The following WDR13 variants were observed in gnomAD, a reference collection of about 807,000 sequenced individuals.
WDR13 encodes WD repeat-containing protein 13.
Under a neutral mutation model 28.6 loss-of-function variants are expected in WDR13, and 1 was observed. The ratio of observed to expected loss-of-function variants is 0.03; its 90% confidence interval spans 0.01 to 0.17. The LOEUF (loss-of-function observed/expected upper bound fraction) is 0.17. WDR13 is among the 10% of genes least tolerant of loss of function. The pLI, the probability that WDR13 is intolerant of heterozygous loss-of-function variation, is 1.00. For missense variants in WDR13, 264 were observed against 469.3 expected (o/e 0.56, Z 4.04); for synonymous variants, 201 against 185.9 (o/e 1.08, Z -0.66).
At chrX:48,604,172 C>G (rs2062206316) in intron 8 of WDR13, 100 bp from the exon 9 acceptor site, 4 of 714,456 alleles carry the variant, frequency 5.6e-6, no homozygotes, top group Admixed American at 3.1e-5. Flanking sequence ...TTTCATGAAC[C>G]CTGTAAAGAA....
intron 9 of WDR13, 124 bp downstream of exon 9, chrX:48,604,514 G>A: frequency 1.8e-6 from 1 of 550,630 alleles, no homozygotes; most frequent in East Asian, 3.6e-5. Flanking sequence ...GACCCCTCCT[G>A]CCCCAACAGC....
At chrX:48,602,728 T>G (rs1299378697) in intron 8 of WDR13, among the ~76,000 whole-genome samples, 2 of 110,477 alleles carry the variant, frequency 1.8e-5, no homozygotes, top group African/African-American at 3.3e-5. Flanking sequence ...ATTGGTAGAT[T>G]GAGAAATTCC....
intron 2 of WDR13, chrX:48,598,353 A>T: frequency 2.0e-6 from 2 of 1,009,734 alleles, no homozygotes; most frequent in Non-Finnish European, 2.5e-6. Context: ...TTACATCATC[A>T]CTTCCCCATT....
chrX:48,602,252 T>A, intron 8 of WDR13, 46 bp downstream of exon 8: 1 of 1,158,381 alleles, frequency 8.6e-7, no homozygotes, highest in Non-Finnish European at 1.2e-6. Flanking sequence ...ACCTGCCTCC[T>A]CCAGCACACT....
chrX:48,605,311 G>T lies in WDR13; in HGVS notation c.*279G>T. On this transcript the variant is annotated 3_prime_UTR_variant, in exon 10 of 10. Transcript: ENST00000376729. ...AACTGTTTTACACACTTATGCATTC[G>T]ATAGACATTAGTGAGCCCTGACCGT... The T allele has an allele frequency of 2.8e-6, 1 of 351,242 alleles. No homozygotes were observed. The highest frequency in any genetic ancestry group is 5.1e-6 in the Non-Finnish European group (1 of 197,607). The allele number at this position is 351,242 out of a possible 1,213,427, so 28.9% of individuals were successfully genotyped here. A position where few individuals can be genotyped will look rare whatever the true frequency, so the allele number is the denominator to read the frequency against.
intron 6 of WDR13, among the ~76,000 whole-genome samples, chrX:48,601,200 GCTACAGTC>G (rs1241083389): frequency 8.9e-6 from 1 of 112,857 alleles, no homozygotes; most frequent in Non-Finnish European, 1.9e-5. Context: ...GGTCCCATCA[GCTACAGTC>G]CTACAGTTTT....
chrX:48,599,379 G>T lies in WDR13; in HGVS notation c.309G>T (p.Leu103=). Residue 103 remains leucine, a synonymous_variant, in exon 4 of 10, where the codon CTG becomes CTT. Transcript: ENST00000376729. ...ACTTTGAGGATGATCCTCGGGCCCT[G>T]GGGGCCCGTGGGCACCGTCGTTCTG... ...MEDFEDDPRA[L]GARGHRRSVS... 1.7e-6 allele frequency: 2 copies of T among 1,203,133 alleles called. No individual in the cohort carries two copies. Among genetic ancestry groups the T allele is most frequent in the Admixed American group, 2.3e-5 (1 of 44,350 alleles).
In WDR13 at chrX:48,599,416, TC is replaced by T; in HGVS notation, c.348del (p.Tyr117ThrfsTer7). The T allele has an allele frequency of 8.3e-7, 1 of 1,210,614 alleles. No homozygotes were observed. Among genetic ancestry groups the T allele is most frequent in the Non-Finnish European group, 1.1e-6 (1 of 894,746 alleles). On this transcript the variant is annotated frameshift_variant, in exon 4 of 10. Transcript: ENST00000376729. LOFTEE classifies it high-confidence loss of function. ...GCACCGTCGTTCTGTCAGCAGAGGC[TC>T]CTACCAGCTGCAGGCGCAGATGAAC... ...RGHRRSVSRG[S>X]YQLQAQMNRA...
intron 6 of WDR13, among the ~76,000 whole-genome samples, chrX:48,601,169 T>G (rs1602146504): frequency 8.9e-6 from 1 of 112,114 alleles, no homozygotes; most frequent in African/African-American, 3.2e-5. Context: ...AGGGTCAGGG[T>G]TCTGGCTCTG....
intron 1 of WDR13, 62 bp downstream of exon 1, chrX:48,597,676 A>C: frequency 3.7e-6 from 1 of 267,655 alleles, no homozygotes. Flanking sequence ...GGCGGCGGGG[A>C]CAAGATGGGT....
At chrX:48,599,262 T>C in intron 3 of WDR13, 91 bp from the exon 4 acceptor site, 1 of 749,506 alleles carries the variant, frequency 1.3e-6, no homozygotes. Flanking sequence ...TGAGAAGTGA[T>C]CTGACTCTAG....
rs2062161220 is a variant in WDR13, at chrX:48,598,712, T to C, written c.42-5T>C. 1.0e-6 allele frequency: 1 copy of C among 1,002,631 alleles called. No homozygotes were observed. Among genetic ancestry groups the C allele is most frequent in the Admixed American group, 2.7e-5 (1 of 37,280 alleles). The allele number at this position is 1,002,631 out of a possible 1,213,427, so 82.6% of individuals were successfully genotyped here. On this transcript the variant is annotated splice_polypyrimidine_tract_variant and splice_region_variant and intron_variant, in intron 2 of 9. Coordinates refer to ENST00000376729, the MANE Select transcript of WDR13 (RefSeq NM_001347217.2). ...TGCTGCCTGCCCTGCATCCTGACCC[T>C]GCAGGTACAACGCGTACCGCACACC...
intron 8 of WDR13, among the ~76,000 whole-genome samples, chrX:48,602,671 C>T (rs2062195707): frequency 9.2e-6 from 1 of 108,777 alleles, no homozygotes; most frequent in South Asian, 4.1e-4. Context: ...CCTGTCTGGG[C>T]CCCTCTACAG....
chrX:48,599,028 A>G (rs1254686937), intron 3 of WDR13, 71 bp downstream of exon 3: 3 of 1,140,179 alleles, frequency 2.6e-6, no homozygotes, highest in Non-Finnish European at 3.5e-6. Context: ...ACTTTCATCA[A>G]GCACCTGCTC....
At chrX:48,598,131 C>A (rs1265000805) in intron 2 of WDR13, 94 bp downstream of exon 2, 1 of 1,145,919 alleles carries the variant, frequency 8.7e-7, no homozygotes, top group African/African-American at 1.8e-5. Flanking sequence ...TTGCCTTATG[C>A]GGCTGCGTGG....
In WDR13 at chrX:48,605,046, C is replaced by T. The variant is rs781923689; in HGVS notation, c.*14C>T. ...GAGCAGAAGTAGGGTCCTGTCGGCC[C>T]TGCTGCTGTCCTCCATCCCACCCCT... On this transcript the variant is annotated 3_prime_UTR_variant, in exon 10 of 10. Transcript: ENST00000376729. The T allele has an allele frequency of 8.4e-7, 1 of 1,193,321 alleles. No individual in the cohort carries two copies. Among genetic ancestry groups the T allele is most frequent in the Non-Finnish European group, 1.1e-6 (1 of 881,962 alleles).
rs1171979848 is a variant in WDR13, at chrX:48,607,975, T to A, written c.*2943T>A. ...TTAGTAGAGACGGGGTTTCACCATA[T>A]TGGCCAGGCTGGTCTCCATCTCTTG... On this transcript the variant is annotated 3_prime_UTR_variant, in exon 10 of 10. Transcript: ENST00000376729. 2 of 109,246 alleles carry A rather than the reference T, an allele frequency of 1.8e-5. 1 individual carries two copies. Among genetic ancestry groups the A allele is most frequent in the Admixed American group, 2.0e-4 (2 of 10,152 alleles). 9.0% of individuals were successfully genotyped at this position (109,246 alleles called of 1,213,427 possible). A position where few individuals can be genotyped will look rare whatever the true frequency, so the allele number is the denominator to read the frequency against.
intron 2 of WDR13, 91 bp from the exon 3 acceptor site, chrX:48,598,626 A>G: frequency 9.2e-7 from 1 of 1,088,250 alleles, no homozygotes; most frequent in East Asian, 3.4e-5. Context: ...TCACTGCCAC[A>G]CACCTCACTC....
intron 3 of WDR13, 69 bp downstream of exon 3, chrX:48,599,026 C>T: frequency 8.8e-7 from 1 of 1,140,494 alleles, no homozygotes; most frequent in South Asian, 2.0e-5. Context: ...TGACTTTCAT[C>T]AAGCACCTGC....
Sources: gnomAD v4.1 joint callset for allele counts (sites outside exome capture counted in the v4.1 genomes callset) on GRCh38, gnomAD v4.1.1 for gene constraint, MANE v1.5 for transcripts, NCBI Gene and HGNC (gene_info 2026-07-23, HGNC 2026-07-21) for gene names.